The following ZMAT4 variants were observed in gnomAD, a reference collection of about 807,000 sequenced individuals.
ZMAT4 encodes the protein zinc finger matrin-type 4, also known as zinc finger matrin-type protein 4.
Under a neutral mutation model 28.7 loss-of-function variants are expected in ZMAT4, and 17 were observed. The observed-to-expected ratio is 0.59, with a 90% CI of 0.41 to 0.89. The LOEUF (loss-of-function observed/expected upper bound fraction) is 0.89. ZMAT4 is among the 40% of genes least tolerant of loss of function. The pLI is 0.00. For synonymous variants in ZMAT4, 117 were observed against 109.2 expected, an observed-to-expected ratio of 1.07 and a Z score of -0.44; for missense variants, 240 against 283.8, an observed-to-expected ratio of 0.85 and a Z score of 1.11.
chr8:40,800,662 C>CA lies in ZMAT4; in HGVS notation c.102+24912dup, dbSNP rs796867601. Among the ~76,000 whole-genome samples the CA allele has an allele frequency of 3.5e-4, 25 of 71,850 alleles. No individual in the cohort carries two copies. The East Asian group carries it at 6.7e-3, about 19-fold the overall frequency. 47.1% of individuals were successfully genotyped at this position (71,850 alleles called of 152,430 possible). On this transcript the variant is annotated intron_variant, in intron 2 of 6. Coordinates refer to ENST00000297737, the MANE Select transcript of ZMAT4 (RefSeq NM_024645.3). ...ATACACTTCTGAATAACACATGGGT[C>CA]AAAAAAAACTCAAGAAACACTTTAA... is the stretch of plus-strand genomic sequence containing the variant.
Position 40,756,426 on chromosome 8 carries a change from TTATATATATATATATATATATA to T in ZMAT4, c.192+11193_192+11214del, listed in dbSNP as rs72008675. Among the ~76,000 whole-genome samples the T allele has an allele frequency of 5.5e-3, 405 of 73,284 alleles. 9 individuals are homozygous for T. Among genetic ancestry groups the T allele is most frequent in the Middle Eastern group, 0.02 (2 of 100 alleles). 48.1% of individuals were successfully genotyped at this position (73,284 alleles called of 152,430 possible). A position where few individuals can be genotyped will look rare whatever the true frequency, so the allele number is the denominator to read the frequency against. ...AATTTCATGTCTAGGAAATGTTCTTTTATATATATATATATATATATATATATATATACACACTTGTATACCT... is the reference window on the plus strand; with the variant it reads ...AATTTCATGTCTAGGAAATGTTCTTTTATATATATACACACTTGTATACCT... On this transcript the variant is annotated intron_variant, in intron 3 of 6. Coordinates refer to ENST00000297737, the MANE Select transcript of ZMAT4 (RefSeq NM_024645.3).
chr8:40,808,389 A>G (rs886386634), intron 2 of ZMAT4: 3 of 256,288 alleles, frequency 1.2e-5, no homozygotes, highest in Non-Finnish European at 2.3e-5. Flanking sequence ...GTGAATTTGG[A>G]AAAAAAAAAG....
At chr8:40,732,798 A>G (rs2150527619) in intron 3 of ZMAT4, among the ~76,000 whole-genome samples, 1 of 145,354 alleles carries the variant, frequency 6.9e-6, no homozygotes, top group African/African-American at 2.5e-5. Context: ...ACTGGGAACC[A>G]GGGACATCTG....
chr8:40,663,664 G>A (rs547324886), intron 5 of ZMAT4, among the ~76,000 whole-genome samples: 20 of 152,184 alleles, frequency 1.3e-4, no homozygotes, highest in Non-Finnish European at 2.6e-4. Context: ...GAAGATCAGA[G>A]TGAGTCTACA....
chr8:40,594,267 C>T (rs1327342552), intron 5 of ZMAT4, among the ~76,000 whole-genome samples: 1 of 152,164 alleles, frequency 6.6e-6, no homozygotes, highest in Non-Finnish European at 1.5e-5. Flanking sequence ...ACATACCTGA[C>T]CTCATTTGAT....
At chr8:40,601,142 C>T (rs1447246823) in intron 5 of ZMAT4, among the ~76,000 whole-genome samples, 1 of 151,960 alleles carries the variant, frequency 6.6e-6, no homozygotes, top group African/African-American at 2.4e-5. Context: ...GATGCATCAT[C>T]AGGAACACTG....
chr8:40,703,436 T>C (rs1810227850), intron 3 of ZMAT4, among the ~76,000 whole-genome samples: 1 of 152,196 alleles, frequency 6.6e-6, no homozygotes, highest in African/African-American at 2.4e-5. Flanking sequence ...TGGATGAATC[T>C]TGAAAACATT....
At chr8:40,850,214 G>T (rs1817051081) in intron 1 of ZMAT4, among the ~76,000 whole-genome samples, 1 of 151,994 alleles carries the variant, frequency 6.6e-6, no homozygotes, top group African/African-American at 2.4e-5. Flanking sequence ...TTCAAGCCTG[G>T]AAATGCTACC....
At chr8:40,757,968 G>T (rs1382479834) in intron 3 of ZMAT4, among the ~76,000 whole-genome samples, 1 of 152,094 alleles carries the variant, frequency 6.6e-6, no homozygotes, top group Non-Finnish European at 1.5e-5. Flanking sequence ...CTCCCATGCT[G>T]GATCCTTCCT....
intron 4 of ZMAT4, among the ~76,000 whole-genome samples, chr8:40,675,351 T>C (rs952948447): frequency 2.0e-5 from 3 of 152,230 alleles, no homozygotes; most frequent in Admixed American, 1.3e-4. Context: ...TGCTCTAACA[T>C]TGGCATTTAG....
rs531359346 is a variant in ZMAT4 at position 40,819,499 on chromosome 8, C to T, written c.102+6076G>A. 1.2e-4 allele frequency among the ~76,000 whole-genome samples: 18 copies of T among 152,204 alleles called. No homozygotes were observed. The South Asian group carries it at 3.7e-3, about 32-fold the overall frequency. ...AGCCCCTAGCCTGTGCATCCCCTGTCAGTGTCAGTAAATGACAGCCAGGAG... is the reference window on the plus strand; with the variant it reads ...AGCCCCTAGCCTGTGCATCCCCTGTTAGTGTCAGTAAATGACAGCCAGGAG... On this transcript the variant is annotated intron_variant, in intron 2 of 6. Transcript: ENST00000297737.
chr8:40,770,871 C>A (rs978370673), intron 2 of ZMAT4, among the ~76,000 whole-genome samples: 2 of 152,114 alleles, frequency 1.3e-5, no homozygotes, highest in Non-Finnish European at 1.5e-5. Flanking sequence ...CTTACAGTGT[C>A]TTCCTCTAAC....
chr8:40,860,259 C>T (rs998609), intron 1 of ZMAT4, among the ~76,000 whole-genome samples: 93,420 of 151,862 alleles, frequency 0.62, 28,740 homozygotes, highest in Admixed American at 0.63. Flanking sequence ...GTTGGGACCA[C>T]GAGATGAGCA....
intron 3 of ZMAT4, among the ~76,000 whole-genome samples, chr8:40,717,858 A>T (rs1420285058): frequency 6.6e-6 from 1 of 151,306 alleles, no homozygotes; most frequent in African/African-American, 2.4e-5. Flanking sequence ...TTTAATTATG[A>T]ATAATTTTAA....
At chr8:40,594,550 A>G (rs1425771748) in intron 5 of ZMAT4, among the ~76,000 whole-genome samples, 1 of 152,322 alleles carries the variant, frequency 6.6e-6, no homozygotes, top group East Asian at 1.9e-4. Context: ...TAATAATTGT[A>G]CCTACTCAAA....
At chr8:40,896,977 T>A (rs959331231) in intron 1 of ZMAT4, among the ~76,000 whole-genome samples, 38 of 151,264 alleles carry the variant, frequency 2.5e-4, no homozygotes, top group Non-Finnish European at 2.8e-4. Flanking sequence ...CTTTTTCTTT[T>A]TTTTTTTTTT....
At chr8:40,865,768 T>C (rs750756532) in intron 1 of ZMAT4, among the ~76,000 whole-genome samples, 5 of 152,366 alleles carry the variant, frequency 3.3e-5, no homozygotes, top group African/African-American at 1.2e-4. Flanking sequence ...CGTCTTCTGC[T>C]GTTTTCACTG....
chr8:40,748,985 G>T (rs190457924), intron 3 of ZMAT4, among the ~76,000 whole-genome samples: 1 of 151,926 alleles, frequency 6.6e-6, no homozygotes, highest in African/African-American at 2.4e-5. Flanking sequence ...TTGTGGAAGC[G>T]CATAAGTCTC....
At chr8:40,693,566 C>T (rs1026121537) in intron 4 of ZMAT4, among the ~76,000 whole-genome samples, 6 of 152,216 alleles carry the variant, frequency 3.9e-5, no homozygotes, top group Admixed American at 2.0e-4. Flanking sequence ...GATGCATGTT[C>T]CTCAAGATCA....
Sources: allele counts gnomAD v4.1 joint callset (sites outside exome capture counted in the v4.1 genomes callset), GRCh38; gene constraint gnomAD v4.1.1; transcripts MANE v1.5; gene names NCBI Gene and HGNC (gene_info 2026-07-23, HGNC 2026-07-21).